Variants in WWC2 observed in about 807,000 individuals in gnomAD.
WWC2 encodes the protein WW and C2 domain containing 2, also known as protein WWC2.
In WWC2, 101 loss-of-function variants were observed where a neutral mutation model predicts 138.5. That is an observed-to-expected ratio of 0.73 (90% CI 0.62 to 0.86). The LOEUF (loss-of-function observed/expected upper bound fraction) is 0.86, where lower values mean the gene tolerates loss of function less well. WWC2 is among the 40% of genes least tolerant of loss of function. The pLI, the probability that WWC2 is intolerant of heterozygous loss-of-function variation, is 0.00. For missense variants in WWC2, 1,420 were observed against 1,419.4 expected, an observed-to-expected ratio of 1.00 and a Z score of -0.01; for synonymous variants, 558 against 538.4, an observed-to-expected ratio of 1.04 and a Z score of -0.50.
At position 183,133,786 on chromosome 4, in the gene WWC2, T is replaced by C. The variant is rs147381889; in HGVS notation, c.131+34164T>C. 1.5e-3 allele frequency among the ~76,000 whole-genome samples: 221 copies of C among 152,302 alleles called. 1 individual carries two copies. The highest frequency in any genetic ancestry group is 4.7e-3 in the African/African-American group (196 of 41,564). On this transcript the variant is annotated intron_variant, in intron 1 of 22. Coordinates refer to ENST00000403733, the MANE Select transcript of WWC2 (RefSeq NM_024949.6). ...CTGGGATTACAGGCGTGAGCCACCA[T>C]GCCCCGCCTTCTCATGTTTTTCTTG... is the stretch of plus-strand genomic sequence containing the variant.
chr4:183,169,343 G>A (rs546477118), intron 1 of WWC2, among the ~76,000 whole-genome samples: 1 of 152,318 alleles, frequency 6.6e-6, no homozygotes, highest in East Asian at 1.9e-4. Flanking sequence ...TGACAAGTAC[G>A]CTTCATGTGT....
chr4:183,308,362 C>A (rs1739091924), intron 21 of WWC2, among the ~76,000 whole-genome samples: 1 of 152,164 alleles, frequency 6.6e-6, no homozygotes, highest in Non-Finnish European at 1.5e-5. Context: ...ATGTAATAGT[C>A]AAACTGATTC....
intron 2 of WWC2, among the ~76,000 whole-genome samples, chr4:183,199,752 G>C (rs1735250966): frequency 6.6e-6 from 1 of 152,108 alleles, no homozygotes; most frequent in South Asian, 2.1e-4. Flanking sequence ...TAATTCACAT[G>C]TGTTCTCTAC....
chr4:183,209,150 A>T, intron 4 of WWC2, 125 bp downstream of exon 4: 1 of 631,358 alleles, frequency 1.6e-6, no homozygotes, highest in East Asian at 2.8e-5. Context: ...CTTATCTCTG[A>T]TGAGTGGTCC....
At chr4:183,201,691 G>A (rs1383091350) in intron 2 of WWC2, among the ~76,000 whole-genome samples, 1 of 152,184 alleles carries the variant, frequency 6.6e-6, no homozygotes, top group Non-Finnish European at 1.5e-5. Context: ...AGCTCTTGGG[G>A]CCAACCAGAA....
chr4:183,202,766 A>G (rs1268193007), intron 2 of WWC2, among the ~76,000 whole-genome samples: 1 of 152,212 alleles, frequency 6.6e-6, no homozygotes, highest in African/African-American at 2.4e-5. Context: ...GGGTAGGTTA[A>G]CATGGGTGCA....
At chr4:183,227,691 C>T (rs1353650675) in intron 4 of WWC2, among the ~76,000 whole-genome samples, 1 of 151,918 alleles carries the variant, frequency 6.6e-6, no homozygotes, top group Non-Finnish European at 1.5e-5. Context: ...TGCAAAGGTC[C>T]AAAATTAGCA....
intron 20 of WWC2, among the ~76,000 whole-genome samples, chr4:183,287,202 G>T (rs1024322780): frequency 7.9e-5 from 12 of 152,268 alleles, no homozygotes; most frequent in African/African-American, 2.9e-4. Context: ...TAACTTCCTT[G>T]TTACTTGAAA....
intron 6 of WWC2, among the ~76,000 whole-genome samples, chr4:183,247,535 A>T (rs1205822467): frequency 2.8e-5 from 4 of 142,402 alleles, no homozygotes; most frequent in African/African-American, 1.0e-4. Flanking sequence ...TATATACTAT[A>T]TATACTATAT....
At position 183,315,809 on chromosome 4, in the gene WWC2, T is replaced by C. The variant is rs1032381406; in HGVS notation, c.*80T>C. Reference sequence around the variant, plus strand: ...AAGACTGAAGATTTGTGTTTTTGTTTTGGTGTTTGGTTTTTTTTGGTAACG... The same window carrying C: ...AAGACTGAAGATTTGTGTTTTTGTTCTGGTGTTTGGTTTTTTTTGGTAACG... On this transcript the variant is annotated 3_prime_UTR_variant, in exon 23 of 23. Transcript: ENST00000403733. The C allele has an allele frequency of 1.6e-6, 2 of 1,237,720 alleles. No homozygotes were observed. Among genetic ancestry groups the C allele is most frequent in the Admixed American group, 5.4e-5 (2 of 37,052 alleles). The allele number at this position is 1,237,720 out of a possible 1,614,324, so 76.7% of individuals were successfully genotyped here.
chr4:183,210,759 A>G (rs551665869), intron 4 of WWC2, among the ~76,000 whole-genome samples: 52 of 152,334 alleles, frequency 3.4e-4, no homozygotes, highest in African/African-American at 1.1e-3. Flanking sequence ...CCTGTACCGT[A>G]TGATACTGTA....
chr4:183,246,661 A>G (rs997552656), intron 6 of WWC2, among the ~76,000 whole-genome samples: 1 of 152,256 alleles, frequency 6.6e-6, no homozygotes, highest in Non-Finnish European at 1.5e-5. Context: ...CTTACAGACG[A>G]GGAAATTTCA....
chr4:183,125,057 G>T (rs761584895), intron 1 of WWC2, among the ~76,000 whole-genome samples: 8 of 152,174 alleles, frequency 5.3e-5, no homozygotes, highest in African/African-American at 1.9e-4. Context: ...GGCTATGAGG[G>T]CTGCTTGTAA....
At chr4:183,178,926 G>T (rs989510015) in intron 1 of WWC2, among the ~76,000 whole-genome samples, 1 of 151,766 alleles carries the variant, frequency 6.6e-6, no homozygotes, top group Non-Finnish European at 1.5e-5. Flanking sequence ...CTAACTTAGG[G>T]CTCATTCAAG....
At chr4:183,248,531 G>A (rs1736866654) in intron 6 of WWC2, among the ~76,000 whole-genome samples, 183 bp from the exon 7 acceptor site, 1 of 152,190 alleles carries the variant, frequency 6.6e-6, no homozygotes, top group South Asian at 2.1e-4. Context: ...AAAGTCACAT[G>A]TATGGAGGTG....
intron 21 of WWC2, among the ~76,000 whole-genome samples, chr4:183,308,580 C>T (rs1434450281): frequency 6.6e-6 from 1 of 152,170 alleles, no homozygotes; most frequent in African/African-American, 2.4e-5. Context: ...CATCCTTCAA[C>T]ATCCTTGGTG....
At chr4:183,157,006 A>G (rs1010143919) in intron 1 of WWC2, among the ~76,000 whole-genome samples, 2 of 152,180 alleles carry the variant, frequency 1.3e-5, no homozygotes, top group Non-Finnish European at 2.9e-5. Context: ...CCCCAAAACA[A>G]TAGCATTCAC....
chr4:183,159,257 T>C (rs1245774951), intron 1 of WWC2, among the ~76,000 whole-genome samples: 1 of 152,214 alleles, frequency 6.6e-6, no homozygotes. Flanking sequence ...TACTCTAGTT[T>C]TCTGACTAGG....
At chr4:183,268,845 A>G in intron 14 of WWC2, 126 bp from the exon 15 acceptor site, 1 of 1,066,632 alleles carries the variant, frequency 9.4e-7, no homozygotes, top group Non-Finnish European at 1.4e-6. Context: ...TGGCAGCAAC[A>G]CTTTAGATTG....
Sources: allele counts gnomAD v4.1 joint callset (sites outside exome capture counted in the v4.1 genomes callset), GRCh38; gene constraint gnomAD v4.1.1; transcripts MANE v1.5; gene names NCBI Gene and HGNC (gene_info 2026-07-23, HGNC 2026-07-21).